CPQ: variants seen among roughly 807,000 people sequenced by gnomAD.
CPQ encodes carboxypeptidase Q.
In CPQ, 37 loss-of-function variants were observed where a neutral mutation model predicts 45.7. That is an observed-to-expected ratio of 0.81 (90% CI 0.62 to 1.07). The LOEUF (loss-of-function observed/expected upper bound fraction) is 1.07. CPQ is among the 50% of genes least tolerant of loss of function. The pLI, the probability that CPQ is intolerant of heterozygous loss-of-function variation, is 0.00. For synonymous variants in CPQ, 186 were observed against 205.8 expected (o/e 0.90, Z 0.82); for missense variants, 537 against 572.9 (o/e 0.94, Z 0.64).
intron 1 of CPQ, among the ~76,000 whole-genome samples, chr8:96,769,607 A>G (rs922106260): frequency 1.4e-5 from 2 of 146,296 alleles, no homozygotes; most frequent in African/African-American, 5.0e-5. Flanking sequence ...TAGAGTTCAT[A>G]GTTGGTTCTG....
chr8:96,905,729 CT>C (rs1303550960), intron 4 of CPQ, among the ~76,000 whole-genome samples: 1 of 130,312 alleles, frequency 7.7e-6, no homozygotes, highest in East Asian at 2.4e-4. Flanking sequence ...GGTGAAATTC[CT>C]TTTGAAAATA....
chr8:97,081,599 C>G (rs1465315763), intron 7 of CPQ, among the ~76,000 whole-genome samples: 1 of 152,190 alleles, frequency 6.6e-6, no homozygotes, highest in Non-Finnish European at 1.5e-5. Flanking sequence ...ACCTCTTCAT[C>G]TCCCTGGCCT....
intron 1 of CPQ, among the ~76,000 whole-genome samples, chr8:96,648,760 A>C (rs1394656965): frequency 6.6e-6 from 1 of 152,120 alleles, no homozygotes; most frequent in African/African-American, 2.4e-5. Flanking sequence ...ACTGTGTTTT[A>C]AAGCCTAAAG....
chr8:96,810,275 C>CT (rs1403948916), intron 2 of CPQ, among the ~76,000 whole-genome samples: 1 of 152,160 alleles, frequency 6.6e-6, no homozygotes, highest in African/African-American at 2.4e-5. Flanking sequence ...AGGTTAAGGA[C>CT]TATATCTTAC....
chr8:96,759,926 C>T (rs775528931), intron 1 of CPQ, among the ~76,000 whole-genome samples: 5 of 152,142 alleles, frequency 3.3e-5, no homozygotes, highest in Admixed American at 6.5e-5. Context: ...TTATTCCCCC[C>T]GTTACATAGA....
chr8:96,954,230 C>A (rs1336315975), intron 4 of CPQ, among the ~76,000 whole-genome samples: 2 of 151,554 alleles, frequency 1.3e-5, no homozygotes, highest in African/African-American at 4.8e-5. Context: ...AAAAAATGCA[C>A]AATTGAGAAA....
intron 1 of CPQ, among the ~76,000 whole-genome samples, chr8:96,697,329 A>G (rs955399921): frequency 2.6e-5 from 4 of 152,236 alleles, no homozygotes; most frequent in Admixed American, 2.0e-4. Context: ...GCATCCCTTC[A>G]TGATAAAAAC....
At chr8:97,034,178 A>C (rs1428697661) in intron 6 of CPQ, among the ~76,000 whole-genome samples, 1 of 152,200 alleles carries the variant, frequency 6.6e-6, no homozygotes, top group Non-Finnish European at 1.5e-5. Flanking sequence ...CACTTCAAGG[A>C]AACAAACTTT....
chr8:96,909,109 A>G (rs1030095090), intron 4 of CPQ, among the ~76,000 whole-genome samples: 1 of 152,172 alleles, frequency 6.6e-6, no homozygotes, highest in Admixed American at 6.5e-5. Context: ...GTGATGTGCA[A>G]TGTGCCTTCA....
chr8:97,091,656 A>G (rs1811126147), intron 7 of CPQ, among the ~76,000 whole-genome samples: 1 of 152,262 alleles, frequency 6.6e-6, no homozygotes, highest in East Asian at 1.9e-4. Flanking sequence ...TGATCAGTTG[A>G]TCTGATTTCA....
chr8:97,075,597 A>G (rs927710530), intron 7 of CPQ, among the ~76,000 whole-genome samples: 49 of 101,108 alleles, frequency 4.8e-4, no homozygotes, highest in African/African-American at 1.5e-3. Flanking sequence ...TAAGAAAAAT[A>G]TCTAAAATTA....
chr8:97,062,113 G>C (rs1810560925), intron 6 of CPQ, among the ~76,000 whole-genome samples: 1 of 151,980 alleles, frequency 6.6e-6, no homozygotes, highest in African/African-American at 2.4e-5. Flanking sequence ...TAGGACATCT[G>C]TTCATTTGTA....
chr8:96,969,086 C>A (rs1033441011), intron 5 of CPQ, among the ~76,000 whole-genome samples: 1 of 152,172 alleles, frequency 6.6e-6, no homozygotes, highest in East Asian at 1.9e-4. Flanking sequence ...CCAAATTCTT[C>A]CAACTGTATC....
intron 1 of CPQ, among the ~76,000 whole-genome samples, chr8:96,742,615 G>C (rs1213343789): frequency 6.6e-6 from 1 of 151,916 alleles, no homozygotes; most frequent in Non-Finnish European, 1.5e-5. Context: ...GGCTGGTACC[G>C]GTTGTTCCTT....
chr8:96,894,972 A>G (rs898619872), intron 4 of CPQ, among the ~76,000 whole-genome samples: 3 of 152,226 alleles, frequency 2.0e-5, no homozygotes, highest in Non-Finnish European at 4.4e-5. Flanking sequence ...GAATTTTTAC[A>G]AAAGAGAATT....
chr8:96,743,498 G>T (rs1810126613), intron 1 of CPQ, among the ~76,000 whole-genome samples: 1 of 152,120 alleles, frequency 6.6e-6, no homozygotes, highest in African/African-American at 2.4e-5. Flanking sequence ...TCTCCATCCA[G>T]CTTTGTTCCG....
chr8:96,735,742 C>A (rs770393953), intron 1 of CPQ, among the ~76,000 whole-genome samples: 1 of 152,126 alleles, frequency 6.6e-6, no homozygotes, highest in Non-Finnish European at 1.5e-5. Flanking sequence ...TTACTCAGAT[C>A]TTCTTGTCCC....
At chr8:96,788,754 A>G (rs1586401385) in intron 2 of CPQ, among the ~76,000 whole-genome samples, 1 of 151,028 alleles carries the variant, frequency 6.6e-6, no homozygotes, top group East Asian at 1.9e-4. Flanking sequence ...TGGTACTTCC[A>G]TTTACAGTGT....
intron 2 of CPQ, among the ~76,000 whole-genome samples, chr8:96,807,811 A>G (rs1277739675): frequency 6.6e-6 from 1 of 152,210 alleles, no homozygotes; most frequent in Admixed American, 6.5e-5. Flanking sequence ...GTAAGTTGTC[A>G]AGACAGATTG....
Sources: gnomAD v4.1 joint callset for allele counts (sites outside exome capture counted in the v4.1 genomes callset) on GRCh38, gnomAD v4.1.1 for gene constraint, MANE v1.5 for transcripts, NCBI Gene and HGNC (gene_info 2026-07-23, HGNC 2026-07-21) for gene names.